The following TAFA2 variants were observed in gnomAD, a reference collection of about 807,000 sequenced individuals.
TAFA2 encodes the protein TAFA chemokine like family member 2.
Under a neutral mutation model 18.8 loss-of-function variants are expected in TAFA2, and 7 were observed. The ratio of observed to expected loss-of-function variants is 0.37; its 90% CI spans 0.21 to 0.70. TAFA2 has a LOEUF of 0.70. Among genes scored for constraint, TAFA2 ranks in the 30% least tolerant of loss-of-function variants. The probability of loss-of-function intolerance (pLI) is 0.53; values close to 1 mark genes in which losing one functional copy is unlikely to be tolerated. For synonymous variants in TAFA2, 60 were observed against 54.2 expected, an observed-to-expected ratio of 1.11 and a Z score of -0.47; for missense variants, 122 against 158.1, an observed-to-expected ratio of 0.77 and a Z score of 1.23.
intron 1 of TAFA2, among the ~76,000 whole-genome samples, chr12:62,134,256 T>C (rs1460799837): frequency 2.0e-5 from 3 of 151,898 alleles, no homozygotes; most frequent in African/African-American, 7.3e-5. Flanking sequence ...ATACCCAATA[T>C]GATGGTATTA....
In TAFA2 at chr12:61,708,630, C is replaced by CA. The variant is rs553663834; in HGVS notation, c.*1775dup. ...TCTTGAGCCATTGTGAAAATCCACTCAAAGCCATCTAATTCATTTTATGCA... is the reference window on the plus strand; with the variant it reads ...TCTTGAGCCATTGTGAAAATCCACTCAAAAGCCATCTAATTCATTTTATGCA... On this transcript the variant is annotated 3_prime_UTR_variant, in exon 5 of 5. Transcript: ENST00000416284. The CA allele has an allele frequency of 6.6e-6, 1 of 152,038 alleles. No homozygotes were observed. The highest frequency in any genetic ancestry group is 1.5e-5 in the Non-Finnish European group (1 of 67,976). 9.4% of individuals were successfully genotyped at this position (152,038 alleles called of 1,614,324 possible). A position where few individuals can be genotyped will look rare whatever the true frequency, so the allele number is the denominator to read the frequency against.
intron 1 of TAFA2, among the ~76,000 whole-genome samples, chr12:62,085,669 A>T (rs1327637758): frequency 2.0e-5 from 3 of 152,158 alleles, no homozygotes; most frequent in Non-Finnish European, 1.5e-5. Flanking sequence ...CAAATATTTC[A>T]TTGGAATTAT....
chr12:62,033,900 AT>A (rs1881529928), intron 1 of TAFA2, among the ~76,000 whole-genome samples: 1 of 152,202 alleles, frequency 6.6e-6, no homozygotes, highest in African/African-American at 2.4e-5. Flanking sequence ...TTATGAAAAA[AT>A]GAATACAAAG....
chr12:61,955,947 G>T (rs992945801), intron 1 of TAFA2, among the ~76,000 whole-genome samples: 1 of 151,708 alleles, frequency 6.6e-6, no homozygotes, highest in African/African-American at 2.4e-5. Flanking sequence ...TATCTCAATG[G>T]TATGTACAAA....
At chr12:62,234,819 G>T in intron 1 of TAFA2, 1 of 1,028,640 alleles carries the variant, frequency 9.7e-7, no homozygotes, top group Non-Finnish European at 1.5e-6. Context: ...TTGGGAGTCT[G>T]GCTGACTTAC....
chr12:62,110,714 C>T (rs995510377), intron 1 of TAFA2, among the ~76,000 whole-genome samples: 4 of 142,646 alleles, frequency 2.8e-5, no homozygotes, highest in Admixed American at 1.5e-4. Context: ...CTGGTTTAGT[C>T]TTGGGAGGGT....
At chr12:62,193,319 G>A (rs1422415539), upstream of TAFA2, among the ~76,000 whole-genome samples, 1 of 152,174 alleles carries the variant, frequency 6.6e-6, no homozygotes, top group Non-Finnish European at 1.5e-5. Flanking sequence ...GATAACTCAA[G>A]AATCTGGTTT....
chr12:62,058,790 A>G (rs1882257084), intron 1 of TAFA2, among the ~76,000 whole-genome samples: 1 of 152,182 alleles, frequency 6.6e-6, no homozygotes, highest in Non-Finnish European at 1.5e-5. Flanking sequence ...GTGAGACCCC[A>G]TCTCTAAAGA....
At chr12:62,223,260 C>G (rs1446785351) in intron 1 of TAFA2, among the ~76,000 whole-genome samples, 5 of 152,080 alleles carry the variant, frequency 3.3e-5, no homozygotes. Flanking sequence ...CTCACTGAAG[C>G]CTCTACTTCT....
rs1375633636 is a variant in TAFA2, at chr12:61,945,338, C to A, written c.-1-77912G>T. On this transcript the variant is annotated intron_variant, in intron 1 of 4. Coordinates refer to ENST00000416284, the MANE Select transcript of TAFA2 (RefSeq NM_178539.5). Reference sequence around the variant, plus strand: ...ATAAGAGCTATCTATGACAAACCCACAGCCAATATCATACTGAATGTGCAA... The same window carrying A: ...ATAAGAGCTATCTATGACAAACCCAAAGCCAATATCATACTGAATGTGCAA... Among the ~76,000 whole-genome samples, 3 of 123,920 alleles carry A rather than the reference C, an allele frequency of 2.4e-5. No individual in the cohort carries two copies. In the East Asian group the frequency reaches 6.6e-4, roughly 27 times the overall value. 81.3% of individuals were successfully genotyped at this position (123,920 alleles called of 152,430 possible).
chr12:61,900,108 C>T (rs538301709), intron 1 of TAFA2, among the ~76,000 whole-genome samples: 31 of 152,152 alleles, frequency 2.0e-4, no homozygotes, highest in Non-Finnish European at 4.4e-4. Context: ...CATTTCTTGT[C>T]AAGGGATATT....
chr12:61,891,594 G>A (rs1260834281), intron 1 of TAFA2, among the ~76,000 whole-genome samples: 1 of 152,082 alleles, frequency 6.6e-6, no homozygotes, highest in Admixed American at 6.5e-5. Context: ...GTTGCAGTGA[G>A]CTGAGATCAT....
At chr12:61,750,146 T>A (rs1868943462) in intron 4 of TAFA2, among the ~76,000 whole-genome samples, 1 of 152,134 alleles carries the variant, frequency 6.6e-6, no homozygotes, top group Admixed American at 6.6e-5. Context: ...AATTATGCAC[T>A]CTTTCACACT....
chr12:61,738,820 C>T (rs957193071), intron 4 of TAFA2, among the ~76,000 whole-genome samples: 1 of 152,048 alleles, frequency 6.6e-6, no homozygotes, highest in Non-Finnish European at 1.5e-5. Flanking sequence ...TGTGCTTTCT[C>T]TTCAAAGCCC....
intron 1 of TAFA2, among the ~76,000 whole-genome samples, chr12:62,028,812 C>T (rs989041435): frequency 1.3e-5 from 2 of 152,072 alleles, no homozygotes; most frequent in Non-Finnish European, 2.9e-5. Flanking sequence ...GAGACATCTG[C>T]CATAACAGTC....
At chr12:61,797,366 A>G (rs1871230112) in intron 2 of TAFA2, among the ~76,000 whole-genome samples, 1 of 152,138 alleles carries the variant, frequency 6.6e-6, no homozygotes, top group Non-Finnish European at 1.5e-5. Context: ...AAATCCAGAA[A>G]AAGTAAAAAT....
intron 1 of TAFA2, among the ~76,000 whole-genome samples, chr12:62,211,028 T>C (rs1266450447): frequency 6.6e-6 from 1 of 152,110 alleles, no homozygotes; most frequent in African/African-American, 2.4e-5. Flanking sequence ...TACCAAGCTG[T>C]AGTGACAAAT....
intron 1 of TAFA2, among the ~76,000 whole-genome samples, chr12:62,098,125 C>T (rs1245380953): frequency 6.6e-6 from 1 of 151,988 alleles, no homozygotes; most frequent in African/African-American, 2.4e-5. Context: ...ATTTTATCAC[C>T]CGGGTCCTTA....
At chr12:62,105,152 T>C (rs944105220) in intron 1 of TAFA2, among the ~76,000 whole-genome samples, 1 of 152,144 alleles carries the variant, frequency 6.6e-6, no homozygotes, top group Admixed American at 6.5e-5. Flanking sequence ...ATTACCATAA[T>C]GCAAACTCAT....
Sources: allele counts gnomAD v4.1 joint callset (sites outside exome capture counted in the v4.1 genomes callset), GRCh38; gene constraint gnomAD v4.1.1; transcripts MANE v1.5; gene names NCBI Gene and HGNC (gene_info 2026-07-23, HGNC 2026-07-21).